The following KLF12 variants were observed in gnomAD, a reference collection of about 807,000 sequenced individuals.
KLF12 encodes the protein Krueppel-like factor 12.
KLF12 carries 9 observed loss-of-function variants against 37.8 expected under a neutral mutation model. The observed-to-expected ratio is 0.24, with a 90% CI of 0.14 to 0.42. The LOEUF is 0.42. Ranked by LOEUF, KLF12 falls within the 10% of genes least tolerant of loss-of-function variation. The probability of loss-of-function intolerance (pLI) is 1.00; values close to 1 mark genes in which losing one functional copy is unlikely to be tolerated. For missense variants in KLF12, 411 were observed against 516.0 expected (o/e 0.80, Z 1.97); for synonymous variants, 208 against 202.1 (o/e 1.03, Z -0.25).
At chr13:73,899,984 C>A (rs959968819) in intron 3 of KLF12, among the ~76,000 whole-genome samples, 1 of 152,072 alleles carries the variant, frequency 6.6e-6, no homozygotes, top group Non-Finnish European at 1.5e-5. Flanking sequence ...CTTTAGAGAG[C>A]CCTAATGCAA....
At chr13:74,255,381 G>T in the KLF12 span, among the ~76,000 whole-genome samples, 1 of 152,148 alleles carries the variant, frequency 6.6e-6, no homozygotes, top group African/African-American at 2.4e-5. Flanking sequence ...CATTGTTTTT[G>T]ATGTATACTC....
At chr13:73,925,752 A>G (rs1222459161) in intron 3 of KLF12, among the ~76,000 whole-genome samples, 2 of 152,178 alleles carry the variant, frequency 1.3e-5, no homozygotes, top group Non-Finnish European at 2.9e-5. Context: ...TATTCTAGAC[A>G]CCCTAAGAAC....
chr13:74,001,215 T>C (rs1331061408), intron 1 of KLF12, among the ~76,000 whole-genome samples: 1 of 152,176 alleles, frequency 6.6e-6, no homozygotes, highest in African/African-American at 2.4e-5. Flanking sequence ...CTGAAGATGT[T>C]AAAAATCTTT....
At chr13:73,752,775 G>T (rs1308618561) in intron 6 of KLF12, among the ~76,000 whole-genome samples, 1 of 145,284 alleles carries the variant, frequency 6.9e-6, no homozygotes, top group South Asian at 2.2e-4. Context: ...ACCCAGGTGT[G>T]GCACGATCTC....
the KLF12 span, among the ~76,000 whole-genome samples, chr13:74,244,524 A>C: frequency 1.3e-5 from 2 of 152,224 alleles, no homozygotes; most frequent in African/African-American, 4.8e-5. Context: ...GAATCAGATG[A>C]TGGAGAATTG....
At chr13:74,232,855 C>A in the KLF12 span, among the ~76,000 whole-genome samples, 6 of 151,716 alleles carry the variant, frequency 4.0e-5, no homozygotes, top group South Asian at 1.3e-3. Context: ...GATCTTTATA[C>A]CTATCAAATT....
At chr13:73,867,806 G>C (rs80304273) in intron 3 of KLF12, among the ~76,000 whole-genome samples, 9,883 of 150,146 alleles carry the variant, frequency 0.066, 608 homozygotes, top group African/African-American at 0.15. Context: ...TCACCATGTT[G>C]GTCAGGCTGG....
chr13:74,140,166 G>A, the KLF12 span, among the ~76,000 whole-genome samples: 2 of 152,122 alleles, frequency 1.3e-5, no homozygotes, highest in Non-Finnish European at 2.9e-5. Flanking sequence ...TACTGAAACA[G>A]AGAATATGAG....
the KLF12 span, among the ~76,000 whole-genome samples, chr13:74,221,258 G>A: frequency 2.6e-5 from 4 of 152,046 alleles, no homozygotes; most frequent in African/African-American, 9.7e-5. Context: ...CGCCCGCCTT[G>A]GCCTCCCAAA....
intron 3 of KLF12, among the ~76,000 whole-genome samples, chr13:73,866,269 CA>C (rs1886173069): frequency 6.6e-6 from 1 of 151,900 alleles, no homozygotes. Context: ...CAAAAGAAAA[CA>C]AAACAAAAAC....
At chr13:74,148,325 C>T in the KLF12 span, among the ~76,000 whole-genome samples, 1 of 151,558 alleles carries the variant, frequency 6.6e-6, no homozygotes, top group African/African-American at 2.4e-5. Context: ...AAAAACCATT[C>T]TCCTGACCTC....
intron 1 of KLF12, among the ~76,000 whole-genome samples, chr13:74,079,622 C>A (rs1009327463): frequency 2.0e-5 from 3 of 152,146 alleles, no homozygotes; most frequent in Non-Finnish European, 4.4e-5. Context: ...AAAAGTCTTG[C>A]TGAGATAGCG....
chr13:73,896,686 G>A (rs1163346930), intron 3 of KLF12, among the ~76,000 whole-genome samples: 1 of 152,062 alleles, frequency 6.6e-6, no homozygotes, highest in African/African-American at 2.4e-5. Flanking sequence ...TTCAGAATTA[G>A]CAATTCTCTT....
chr13:73,854,372 T>C (rs1314755798), intron 3 of KLF12, among the ~76,000 whole-genome samples: 3 of 152,228 alleles, frequency 2.0e-5, no homozygotes, highest in Non-Finnish European at 4.4e-5. Flanking sequence ...TTTGATTCTA[T>C]AAAATGTTCA....
chr13:73,881,385 G>T (rs1415256961), intron 3 of KLF12, among the ~76,000 whole-genome samples: 1 of 151,836 alleles, frequency 6.6e-6, no homozygotes, highest in African/African-American at 2.4e-5. Context: ...TTAATATAAA[G>T]GAGCTAAAAA....
intron 2 of KLF12, among the ~76,000 whole-genome samples, chr13:73,988,353 T>C (rs1302355075): frequency 6.6e-6 from 1 of 152,208 alleles, no homozygotes; most frequent in Admixed American, 6.5e-5. Flanking sequence ...AATAAATATA[T>C]TATGGCACCA....
At chr13:73,826,628 A>G (rs1883857259) in intron 4 of KLF12, among the ~76,000 whole-genome samples, 2 of 152,068 alleles carry the variant, frequency 1.3e-5, no homozygotes, top group Non-Finnish European at 1.5e-5. Context: ...TTTAATTCCT[A>G]TTTTGTTTCC....
At chr13:73,897,847 CAATT>C (rs1193697585) in intron 3 of KLF12, among the ~76,000 whole-genome samples, 1 of 152,140 alleles carries the variant, frequency 6.6e-6, no homozygotes, top group African/African-American at 2.4e-5. Flanking sequence ...GGTTGTTCTC[CAATT>C]ATTTTAGCAT....
intron 5 of KLF12, among the ~76,000 whole-genome samples, chr13:73,798,107 A>T (rs1882093179): frequency 6.6e-6 from 1 of 152,210 alleles, no homozygotes; most frequent in African/African-American, 2.4e-5. Context: ...GGGCTAAAAC[A>T]ACCAATGCTA....
Sources: allele counts gnomAD v4.1 joint callset (sites outside exome capture counted in the v4.1 genomes callset), GRCh38; gene constraint gnomAD v4.1.1; transcripts MANE v1.5; gene names NCBI Gene and HGNC (gene_info 2026-07-23, HGNC 2026-07-21).